Variants in TOX observed in about 807,000 individuals in gnomAD.
The protein encoded by TOX is thymocyte selection-associated high mobility group box protein TOX.
A neutral mutation model predicts 53.7 loss-of-function variants in TOX; 11 were observed. The observed-to-expected ratio is 0.20, with a 90% CI of 0.13 to 0.34. TOX has a LOEUF of 0.34. Among genes scored for constraint, TOX ranks in the 10% least tolerant of loss-of-function variants. TOX has a pLI of 1.00. For synonymous variants in TOX, 225 were observed against 245.3 expected, an observed-to-expected ratio of 0.92 and a Z score of 0.77; for missense variants, 570 against 664.6, an observed-to-expected ratio of 0.86 and a Z score of 1.56.
chr8:59,043,224 T>TGTGTGCGC (rs752643590), intron 1 of TOX, among the ~76,000 whole-genome samples: 1 of 151,294 alleles, frequency 6.6e-6, no homozygotes, highest in African/African-American at 2.4e-5. Flanking sequence ...TGTGTGTGTG[T>TGTGTGCGC]GCATCTGTGT....
At chr8:58,922,252 C>T (rs918098252) in intron 3 of TOX, among the ~76,000 whole-genome samples, 5 of 152,114 alleles carry the variant, frequency 3.3e-5, no homozygotes, top group African/African-American at 1.2e-4. Flanking sequence ...TTTACAGCTC[C>T]AGGATTGAAG....
At position 58,815,613 on chromosome 8, in the gene TOX, A is replaced by G. The variant is rs139241974; in HGVS notation, c.1117T>C (p.Ser373Pro). The G allele has an allele frequency of 5.3e-5, 85 of 1,613,948 alleles. 1 individual carries two copies. In the South Asian group the frequency reaches 7.7e-4, roughly 15 times the overall value. ...SQAHSALYLS[S>P]HYHQQPGMNP... is the part of the protein sequence containing the mutation. Reference sequence around the variant, plus strand: ...ATTCCCGGTTGTTGGTGATAGTGGGAACTTAGGTACAGGGCCGAGTGGGCC... The same window carrying G: ...ATTCCCGGTTGTTGGTGATAGTGGGGACTTAGGTACAGGGCCGAGTGGGCC... The change falls in exon 7 of 9, where the codon TCC (serine) becomes CCC (proline). Residue 373 changes from serine to proline, a missense_variant. Ser to Pro is a moderately conservative substitution (Grantham distance 74, BLOSUM62 -1). This residue lies in a region of TOX where 239 missense variants were observed against 250.7 expected (regional missense o/e 0.95). Transcript: ENST00000361421.
chr8:58,913,092 G>C (rs1304320198), intron 3 of TOX, among the ~76,000 whole-genome samples: 1 of 152,200 alleles, frequency 6.6e-6, no homozygotes, highest in Non-Finnish European at 1.5e-5. Flanking sequence ...TTGAATGAAT[G>C]TTTGGTGAGA....
At chr8:58,959,137 C>T (rs1812757642) in intron 2 of TOX, among the ~76,000 whole-genome samples, 1 of 152,136 alleles carries the variant, frequency 6.6e-6, no homozygotes, top group African/African-American at 2.4e-5. Flanking sequence ...CAAAATGCCC[C>T]TGTGAACTGT....
chr8:58,900,500 A>G (rs1811718299), intron 3 of TOX, among the ~76,000 whole-genome samples: 2 of 152,126 alleles, frequency 1.3e-5, no homozygotes, highest in African/African-American at 2.4e-5. Context: ...TTTCTACTTT[A>G]AGCTGTTTTT....
intron 1 of TOX, among the ~76,000 whole-genome samples, chr8:58,989,087 G>T (rs1047277612): frequency 9.9e-5 from 15 of 152,204 alleles, no homozygotes; most frequent in African/African-American, 3.6e-4. Context: ...GGCCGAGGCA[G>T]GTGGATCACC....
At chr8:59,001,971 T>C in intron 1 of TOX, among the ~76,000 whole-genome samples, 1 of 54,548 alleles carries the variant, frequency 1.8e-5, no homozygotes, top group Non-Finnish European at 3.2e-5. Context: ...CAGAAGTACT[T>C]TTTTTTTTTT....
At chr8:58,973,210 C>A (rs1375557119) in intron 1 of TOX, among the ~76,000 whole-genome samples, 2 of 152,154 alleles carry the variant, frequency 1.3e-5, no homozygotes, top group Non-Finnish European at 2.9e-5. Context: ...AGATGCACGA[C>A]AGGAAATATG....
rs1337276162 is a variant in TOX at position 59,097,988 on chromosome 8, G to A, written c.102+20898C>T. ...GAGATAAATTACTTACGGCGCTATT[G>A]GCTGGGGGAATCACGGAGGGAAATC... On this transcript the variant is annotated intron_variant, in intron 1 of 8. Coordinates refer to ENST00000361421, the MANE Select transcript of TOX (RefSeq NM_014729.3). Among the ~76,000 whole-genome samples, 3 of 151,880 alleles carry A rather than the reference G, an allele frequency of 2.0e-5. No individual in the cohort carries two copies. The East Asian group carries it at 5.8e-4, about 29-fold the overall frequency.
chr8:58,820,760 A>G (rs1228786016), intron 6 of TOX, among the ~76,000 whole-genome samples: 2 of 152,204 alleles, frequency 1.3e-5, no homozygotes, highest in African/African-American at 4.8e-5. Flanking sequence ...AGGAGTTTCA[A>G]AAATTTTTTG....
intron 1 of TOX, among the ~76,000 whole-genome samples, chr8:59,072,652 A>G (rs1337295921): frequency 6.6e-6 from 1 of 152,178 alleles, no homozygotes; most frequent in African/African-American, 2.4e-5. Flanking sequence ...AGACCATGAT[A>G]CTATCTTTTC....
chr8:59,036,243 G>A (rs754131926), intron 1 of TOX, among the ~76,000 whole-genome samples: 7 of 152,152 alleles, frequency 4.6e-5, no homozygotes, highest in Non-Finnish European at 4.4e-5. Context: ...GGTGTGGGAC[G>A]TTCTTTACTC....
intron 1 of TOX, among the ~76,000 whole-genome samples, chr8:59,104,150 TG>T (rs1804854515): frequency 2.6e-5 from 4 of 152,238 alleles, no homozygotes; most frequent in African/African-American, 9.6e-5. Context: ...TTACTAGAAA[TG>T]AACATTAGCC....
At chr8:58,990,886 C>T (rs1347250541) in intron 1 of TOX, among the ~76,000 whole-genome samples, 1 of 152,204 alleles carries the variant, frequency 6.6e-6, no homozygotes. Context: ...AGAGCAAATG[C>T]TGTATTTTAT....
intron 6 of TOX, among the ~76,000 whole-genome samples, chr8:58,822,819 C>T (rs185869001): frequency 3.3e-5 from 5 of 152,274 alleles, no homozygotes; most frequent in Non-Finnish European, 7.4e-5. Context: ...TAGAGAAAAG[C>T]CTAAAGCTCT....
At chr8:58,965,892 T>C (rs181415552) in intron 1 of TOX, among the ~76,000 whole-genome samples, 4 of 121,766 alleles carry the variant, frequency 3.3e-5, no homozygotes, top group African/African-American at 1.3e-4. Flanking sequence ...TTACGAGTCA[T>C]CGTTTTTTTT....
Position 58,939,380 on chromosome 8 carries a change from T to C in TOX, c.333A>G (p.Gln111=), listed in dbSNP as rs1453729838. ...NHNGLLPFHP[Q]NMDLPEITVS... ...CTGTGATTTCAGGGAGGTCCATGTT[T>C]TGTGGATGAAATGGTAGCAGGCCAT... The change falls in exon 3 of 9, where the codon CAA becomes CAG. Residue 111 remains glutamine (Q), a synonymous_variant. Transcript: ENST00000361421. The C allele has an allele frequency of 6.2e-7, 1 of 1,614,088 alleles. No individual in the cohort carries two copies. Among genetic ancestry groups the C allele is most frequent in the Non-Finnish European group, 8.5e-7 (1 of 1,180,014 alleles).
At chr8:59,094,050 A>G (rs1586015871) in intron 1 of TOX, among the ~76,000 whole-genome samples, 2 of 152,328 alleles carry the variant, frequency 1.3e-5, no homozygotes, top group South Asian at 2.1e-4. Context: ...AACAAAATAA[A>G]AAGAATATGA....
At chr8:59,054,708 T>C (rs1803857544) in intron 1 of TOX, among the ~76,000 whole-genome samples, 1 of 150,896 alleles carries the variant, frequency 6.6e-6, no homozygotes, top group Non-Finnish European at 1.5e-5. Context: ...CCTCTAAATG[T>C]ATACTCTCAT....
Sources: gnomAD v4.1 joint callset for allele counts (sites outside exome capture counted in the v4.1 genomes callset) on GRCh38, gnomAD v4.1.1 for gene constraint, gnomAD v4.1.1 regional missense constraint, MANE v1.5 for transcripts, NCBI Gene and HGNC (gene_info 2026-07-23, HGNC 2026-07-21) for gene names.